The following FGF12 variants were observed in gnomAD, a reference collection of about 807,000 sequenced individuals.
FGF12 encodes fibroblast growth factor 12.
Under a neutral mutation model 23.6 loss-of-function variants are expected in FGF12, and 14 were observed. The observed-to-expected ratio is 0.59, with a 90% CI of 0.39 to 0.93. FGF12 has a LOEUF of 0.93. Among genes scored for constraint, FGF12 ranks in the 40% least tolerant of loss-of-function variants. The pLI is 0.00. For synonymous variants in FGF12, 62 were observed against 77.3 expected, an observed-to-expected ratio of 0.80 and a Z score of 1.04; for missense variants, 175 against 217.8, an observed-to-expected ratio of 0.80 and a Z score of 1.24.
chr3:192,369,834 T>C (rs543165482), intron 2 of FGF12, among the ~76,000 whole-genome samples: 1 of 152,320 alleles, frequency 6.6e-6, no homozygotes, highest in East Asian at 1.9e-4. Context: ...TCCGTGAACA[T>C]TTAAAGTGCT....
intron 2 of FGF12, among the ~76,000 whole-genome samples, chr3:192,387,219 T>C (rs1720083023): frequency 6.6e-6 from 1 of 152,296 alleles, no homozygotes; most frequent in East Asian, 1.9e-4. Flanking sequence ...GAGGAGCTGG[T>C]TAATATTCTA....
intron 2 of FGF12, among the ~76,000 whole-genome samples, chr3:192,502,872 T>C (rs1467727643): frequency 6.6e-6 from 1 of 152,244 alleles, no homozygotes; most frequent in Non-Finnish European, 1.5e-5. Context: ...GGGAAGCACA[T>C]GGCCTAAGGG....
Position 192,336,614 on chromosome 3 carries a change from G to C in FGF12, c.125-1150C>G, listed in dbSNP as rs1403309197. Among the ~76,000 whole-genome samples the C allele has an allele frequency of 6.6e-6, 1 of 152,128 alleles. No individual in the cohort carries two copies. The highest frequency in any genetic ancestry group is 2.4e-5 in the African/African-American group (1 of 41,424). ...GAGAATATCTCTGCAGTTCATTTCA[G>C]TATCCTGGCTTAATTAGAAGTTCTT... On this transcript the variant is annotated intron_variant, in intron 3 of 5. Coordinates refer to ENST00000445105, the MANE Select transcript of FGF12 (RefSeq NM_004113.6). The surrounding 1 kb of genome is among the most constrained non-coding windows in gnomAD (Gnocchi z 4.3).
intron 1 of FGF12, 22 bp from the exon 2 acceptor site, chr3:192,727,345 A>G: frequency 6.5e-7 from 1 of 1,535,198 alleles, no homozygotes; most frequent in South Asian, 1.2e-5. Flanking sequence ...GATTTCTTAA[A>G]CCTTGAAGCT....
At chr3:192,568,479 C>T (rs1712447398) in intron 2 of FGF12, among the ~76,000 whole-genome samples, 1 of 152,098 alleles carries the variant, frequency 6.6e-6, no homozygotes, top group Admixed American at 6.6e-5. Flanking sequence ...GTTGTCTCCT[C>T]ACCTGTAAAA....
chr3:192,330,682 A>G (rs781734980), intron 4 of FGF12, among the ~76,000 whole-genome samples: 2 of 152,036 alleles, frequency 1.3e-5, no homozygotes, highest in Non-Finnish European at 2.9e-5. Context: ...CAGCCTGGCA[A>G]CAAAGCAAGA....
At chr3:192,506,065 T>C (rs897481728) in intron 2 of FGF12, among the ~76,000 whole-genome samples, 3 of 152,116 alleles carry the variant, frequency 2.0e-5, no homozygotes, top group Admixed American at 6.5e-5. Context: ...TTGGGCCCAG[T>C]GGGTCAAAAG....
In FGF12 at chr3:192,372,503, A is replaced by C. The variant is rs144728776; in HGVS notation, c.14-11965T>G. 6.1e-4 allele frequency among the ~76,000 whole-genome samples: 93 copies of C among 152,232 alleles called. 1 individual carries two copies. The East Asian group carries it at 0.015, about 24-fold the overall frequency. On this transcript the variant is annotated intron_variant, in intron 2 of 5. Transcript: ENST00000445105. ...CGGCAAAAGAGCAGTTGAGAGCTCC[A>C]AGAACACATCCATCAGCCTTGATCC...
chr3:192,229,488 G>GT (rs1718909592), intron 4 of FGF12, among the ~76,000 whole-genome samples: 1 of 152,018 alleles, frequency 6.6e-6, no homozygotes, highest in Non-Finnish European at 1.5e-5. Context: ...CTAATCAAGT[G>GT]TGTGTTGATC....
At chr3:192,697,127 G>A (rs1718151163) in intron 2 of FGF12, among the ~76,000 whole-genome samples, 1 of 151,908 alleles carries the variant, frequency 6.6e-6, no homozygotes, top group Non-Finnish European at 1.5e-5. Context: ...GAAGCAATGG[G>A]ATCAGCATTT....
At chr3:192,470,377 T>C (rs915314734) in intron 2 of FGF12, among the ~76,000 whole-genome samples, 5 of 151,722 alleles carry the variant, frequency 3.3e-5, no homozygotes, top group Non-Finnish European at 7.4e-5. Flanking sequence ...TGGAACTTTG[T>C]TGTTGTTGTT....
At chr3:192,188,739 G>A (rs1474816050) in intron 4 of FGF12, among the ~76,000 whole-genome samples, 2 of 152,134 alleles carry the variant, frequency 1.3e-5, no homozygotes, top group African/African-American at 4.8e-5. Flanking sequence ...TTCTATGAGC[G>A]TTGGACTCAT....
At chr3:192,470,652 G>A (rs934512312) in intron 2 of FGF12, among the ~76,000 whole-genome samples, 1 of 152,206 alleles carries the variant, frequency 6.6e-6, no homozygotes, top group Admixed American at 6.5e-5. Flanking sequence ...GCCTCCTGAA[G>A]TGCTGGTATC....
chr3:192,488,896 A>G (rs753497391), intron 2 of FGF12, among the ~76,000 whole-genome samples: 3 of 152,092 alleles, frequency 2.0e-5, no homozygotes, highest in Non-Finnish European at 4.4e-5. Context: ...ATGACAAATT[A>G]ATTTGTCAGA....
At chr3:192,244,167 C>T (rs1368467855) in intron 4 of FGF12, among the ~76,000 whole-genome samples, 1 of 152,016 alleles carries the variant, frequency 6.6e-6, no homozygotes, top group Non-Finnish European at 1.5e-5. Flanking sequence ...CATTATCTAG[C>T]AAACTTACAA....
intron 4 of FGF12, among the ~76,000 whole-genome samples, chr3:192,287,033 T>C (rs1290653048): frequency 6.6e-6 from 1 of 152,084 alleles, no homozygotes; most frequent in African/African-American, 2.4e-5. Flanking sequence ...AATGGAATTG[T>C]CTGAATGACT....
At chr3:192,169,340 C>CAAAT (rs748124216) in intron 5 of FGF12, among the ~76,000 whole-genome samples, 5 of 151,908 alleles carry the variant, frequency 3.3e-5, no homozygotes, top group African/African-American at 4.8e-5. Context: ...GACTCCATCT[C>CAAAT]AAATAAATAA....
intron 4 of FGF12, among the ~76,000 whole-genome samples, chr3:192,232,401 C>A (rs987010443): frequency 6.6e-6 from 1 of 152,100 alleles, no homozygotes; most frequent in African/African-American, 2.4e-5. Context: ...AATAAAAGAT[C>A]AGATTCATTG....
intron 2 of FGF12, among the ~76,000 whole-genome samples, chr3:192,671,927 C>A (rs1348253377): frequency 6.6e-6 from 1 of 152,160 alleles, no homozygotes; most frequent in Non-Finnish European, 1.5e-5. Context: ...TCATAATTAA[C>A]TGGATTTAAA....
Sources: allele counts gnomAD v4.1 joint callset (sites outside exome capture counted in the v4.1 genomes callset), GRCh38; gene constraint gnomAD v4.1.1; non-coding constraint Gnocchi (gnomAD v3.1); transcripts MANE v1.5; gene names NCBI Gene and HGNC (gene_info 2026-07-23, HGNC 2026-07-21).